ADK: variants seen among roughly 807,000 people sequenced by gnomAD.
ADK encodes the protein adenosine kinase.
In ADK, 24 loss-of-function variants were observed where a neutral mutation model predicts 44.7. That is an observed-to-expected ratio of 0.54 (90% CI 0.39 to 0.76). The LOEUF (loss-of-function observed/expected upper bound fraction) is 0.76. Ranked by LOEUF, ADK falls within the 30% of genes least tolerant of loss-of-function variation. ADK has a pLI of 0.00. For missense variants in ADK, 321 were observed against 425.1 expected (o/e 0.76, Z 2.15); for synonymous variants, 128 against 142.6 (o/e 0.90, Z 0.73).
chr10:74,530,323 TC>T (rs1849232198), intron 7 of ADK, among the ~76,000 whole-genome samples: 1 of 151,870 alleles, frequency 6.6e-6, no homozygotes, highest in Non-Finnish European at 1.5e-5. Flanking sequence ...CTTTAATATT[TC>T]CCCCCTCAAA....
chr10:74,697,573 G>A (rs1304239491), intron 10 of ADK, among the ~76,000 whole-genome samples: 2 of 152,128 alleles, frequency 1.3e-5, no homozygotes, highest in East Asian at 3.8e-4. Context: ...AGAGTCTACT[G>A]GGTTTTAGGT....
At chr10:74,377,646 T>C (rs369493572) in intron 4 of ADK, among the ~76,000 whole-genome samples, 1 of 152,312 alleles carries the variant, frequency 6.6e-6, no homozygotes, top group East Asian at 1.9e-4. Context: ...TCAGCAGTCA[T>C]GTCAAAACCA....
At position 74,600,496 on chromosome 10, in the gene ADK, A is replaced by G. The variant is rs1463429807; in HGVS notation, c.877+3A>G. ...AGATGACACTATAATGGCTACAGGTACATGTGGGAAATGTGTGATGAATCT... is the reference window on the plus strand; with the variant it reads ...AGATGACACTATAATGGCTACAGGTGCATGTGGGAAATGTGTGATGAATCT... On this transcript the variant is annotated splice_donor_region_variant and intron_variant, in intron 9 of 10. Coordinates refer to ENST00000539909, the MANE Select transcript of ADK (RefSeq NM_006721.4). 6.3e-7 allele frequency: 1 copy of G among 1,593,530 alleles called. No individual in the cohort carries two copies. The highest frequency in any genetic ancestry group is 1.1e-5 in the South Asian group (1 of 90,020).
chr10:74,198,923 T>A (rs1211964602), intron 1 of ADK, among the ~76,000 whole-genome samples: 1 of 152,196 alleles, frequency 6.6e-6, no homozygotes, highest in Non-Finnish European at 1.5e-5. Context: ...TACAAGTATA[T>A]GTATGAGAAG....
chr10:74,390,883 T>C (rs955784748), intron 4 of ADK, among the ~76,000 whole-genome samples: 6 of 152,190 alleles, frequency 3.9e-5, no homozygotes, highest in Non-Finnish European at 5.9e-5. Context: ...CATCACATCG[T>C]AAGGTTTATG....
At chr10:74,576,519 A>C (rs896464600) in intron 7 of ADK, among the ~76,000 whole-genome samples, 3 of 152,174 alleles carry the variant, frequency 2.0e-5, no homozygotes, top group African/African-American at 2.4e-5. Flanking sequence ...ATGTTACACT[A>C]TGCAGAAATC....
At chr10:74,364,705 TG>T (rs1842446235) in intron 4 of ADK, among the ~76,000 whole-genome samples, 2 of 142,956 alleles carry the variant, frequency 1.4e-5, no homozygotes, top group Non-Finnish European at 3.1e-5. Flanking sequence ...TGTGTGTGTG[TG>T]TGTGTGTGTG....
At chr10:74,331,821 G>A (rs926167808) in intron 4 of ADK, among the ~76,000 whole-genome samples, 2 of 151,972 alleles carry the variant, frequency 1.3e-5, no homozygotes, top group Admixed American at 1.3e-4. Flanking sequence ...ATCATTTGCT[G>A]TAGTTAGCTG....
At chr10:74,619,281 C>T (rs1852891893) in intron 9 of ADK, among the ~76,000 whole-genome samples, 1 of 151,916 alleles carries the variant, frequency 6.6e-6, no homozygotes, top group Admixed American at 6.6e-5. Context: ...ATGGTGAAAC[C>T]CTGACTCTAC....
Position 74,369,776 on chromosome 10 carries a change from C to T in ADK, c.274-24365C>T, listed in dbSNP as rs1474718012. ...ACTACTTCTGTTCGATACTGTACTG[C>T]AGGTTCTAGCCAGTGCAATTAGTTA... On this transcript the variant is annotated intron_variant, in intron 4 of 10. Coordinates refer to ENST00000539909, the MANE Select transcript of ADK (RefSeq NM_006721.4). 2.0e-5 allele frequency among the ~76,000 whole-genome samples: 3 copies of T among 152,170 alleles called. No individual in the cohort carries two copies. In the South Asian group the frequency reaches 6.2e-4, roughly 31 times the overall value.
intron 3 of ADK, among the ~76,000 whole-genome samples, chr10:74,241,757 C>T (rs184145610): frequency 2.6e-5 from 4 of 152,272 alleles, no homozygotes; most frequent in African/African-American, 9.6e-5. Flanking sequence ...GGCTGGAGTG[C>T]AGTGATGCAA....
intron 9 of ADK, among the ~76,000 whole-genome samples, chr10:74,665,025 A>G (rs1349587784): frequency 6.6e-6 from 1 of 152,202 alleles, no homozygotes; most frequent in Non-Finnish European, 1.5e-5. Flanking sequence ...TAGGAAATAC[A>G]CACTGAAGTA....
intron 7 of ADK, among the ~76,000 whole-genome samples, chr10:74,536,097 A>G (rs990146518): frequency 1.3e-5 from 2 of 152,250 alleles, no homozygotes; most frequent in South Asian, 2.1e-4. Context: ...TAAACATGTT[A>G]TAAAACTGAT....
chr10:74,454,191 A>G (rs1490625951), intron 6 of ADK, among the ~76,000 whole-genome samples: 1 of 152,088 alleles, frequency 6.6e-6, no homozygotes, highest in Non-Finnish European at 1.5e-5. Context: ...AAATTGTTTC[A>G]GTTGTTTTCC....
chr10:74,687,005 C>G (rs1855819965), intron 10 of ADK, among the ~76,000 whole-genome samples: 1 of 152,056 alleles, frequency 6.6e-6, no homozygotes. Flanking sequence ...CCTCCGTTTC[C>G]TCATTTATAA....
At chr10:74,433,133 G>A (rs916443942) in intron 6 of ADK, among the ~76,000 whole-genome samples, 2 of 152,090 alleles carry the variant, frequency 1.3e-5, no homozygotes, top group Non-Finnish European at 2.9e-5. Context: ...TACCAAAATG[G>A]ATCATCCATA....
At chr10:74,236,942 G>A (rs1844986354) in intron 3 of ADK, among the ~76,000 whole-genome samples, 1 of 152,126 alleles carries the variant, frequency 6.6e-6, no homozygotes, top group African/African-American at 2.4e-5. Flanking sequence ...TGAGCCTTTA[G>A]CAAGTTACAA....
At chr10:74,359,567 A>G (rs560850733) in intron 4 of ADK, among the ~76,000 whole-genome samples, 29 of 152,024 alleles carry the variant, frequency 1.9e-4, no homozygotes, top group Non-Finnish European at 1.6e-4. Context: ...TTAATTAGCT[A>G]GGCATGGTAG....
chr10:74,678,357 G>GT (rs1177320525), intron 10 of ADK, among the ~76,000 whole-genome samples: 1 of 151,918 alleles, frequency 6.6e-6, no homozygotes, highest in East Asian at 1.9e-4. Flanking sequence ...GCCTTCGTTA[G>GT]TTAAAAAAAT....
Sources: allele counts gnomAD v4.1 joint callset (sites outside exome capture counted in the v4.1 genomes callset), GRCh38; gene constraint gnomAD v4.1.1; transcripts MANE v1.5; gene names NCBI Gene and HGNC (gene_info 2026-07-23, HGNC 2026-07-21).